The following CFAP92 variants were observed in gnomAD, a reference collection of about 807,000 sequenced individuals.
CFAP92 encodes the protein cilia and flagella associated protein 92 (putative).
In CFAP92, 86 loss-of-function variants were observed where a neutral mutation model predicts 106.3. The ratio of observed to expected loss-of-function variants is 0.81; its 90% CI spans 0.68 to 0.97. The LOEUF (loss-of-function observed/expected upper bound fraction) is 0.97, where lower values mean the gene tolerates loss of function less well. CFAP92 is among the 50% of genes least tolerant of loss of function. The pLI is 0.00. For missense variants in CFAP92, 1,204 were observed against 1,283.8 expected (o/e 0.94, Z 0.95); for synonymous variants, 477 against 506.4 (o/e 0.94, Z 0.78).
At chr3:128,917,286 CAGTT>C (rs570658032) in intron 12 of CFAP92, among the ~76,000 whole-genome samples, 6 of 152,202 alleles carry the variant, frequency 3.9e-5, no homozygotes, top group Non-Finnish European at 7.3e-5. Context: ...CTGAGTTTCT[CAGTT>C]AGCCATTCCT....
upstream of CFAP92, among the ~76,000 whole-genome samples, chr3:129,005,928 T>C (rs1046143608): frequency 1.3e-5 from 2 of 152,282 alleles, no homozygotes; most frequent in Non-Finnish European, 2.9e-5. Context: ...GGGGCTCTTC[T>C]TTGTTTATTT....
intron 15 of CFAP92, among the ~76,000 whole-genome samples, chr3:128,911,214 G>A (rs58123605): frequency 0.015 from 2,221 of 152,100 alleles, 51 homozygotes; most frequent in African/African-American, 0.05. Flanking sequence ...ACGCCACCAC[G>A]CCCGGCTAAT....
At chr3:128,989,025 A>G in intron 2 of CFAP92, 107 bp from the exon 3 acceptor site, 1 of 825,458 alleles carries the variant, frequency 1.2e-6, no homozygotes, top group South Asian at 1.8e-5. Context: ...AGCACTCCAC[A>G]TTGCCTGCCC....
At chr3:128,973,098 T>C (rs2929860) in intron 7 of CFAP92, among the ~76,000 whole-genome samples, 131,622 of 152,258 alleles carry the variant, frequency 0.86, 57,301 homozygotes, top group African/African-American at 0.97. Context: ...CGATAAGTTA[T>C]ATACCCCTGT....
At chr3:128,958,188 C>T (rs771295577) in intron 9 of CFAP92, among the ~76,000 whole-genome samples, 23 of 152,160 alleles carry the variant, frequency 1.5e-4, no homozygotes, top group Non-Finnish European at 3.1e-4. Flanking sequence ...GTTAGGAGTT[C>T]AACATACCAT....
At chr3:129,010,819 T>C in the CFAP92 span, among the ~76,000 whole-genome samples, 3 of 152,170 alleles carry the variant, frequency 2.0e-5, no homozygotes, top group East Asian at 5.8e-4. This position sits in a 1 kb window ranked among gnomAD's most constrained non-coding sequence, Gnocchi z 4.3. Context: ...GGAACAATAC[T>C]CAGGCTCACA....
upstream of CFAP92, chr3:129,003,958 G>A (rs926460298): frequency 1.2e-5 from 18 of 1,441,342 alleles, no homozygotes; most frequent in Non-Finnish European, 1.5e-5. Context: ...GCGCGGAGGA[G>A]GCCCGGCAGG....
chr3:128,944,020 C>T (rs1939953159), intron 10 of CFAP92, among the ~76,000 whole-genome samples: 1 of 150,200 alleles, frequency 6.7e-6, no homozygotes, highest in Non-Finnish European at 1.5e-5. Context: ...ACCTCCGCCT[C>T]CTGGGCTCAA....
chr3:128,927,278 CTGT>C (rs1252397476), intron 12 of CFAP92, among the ~76,000 whole-genome samples: 1 of 151,700 alleles, frequency 6.6e-6, no homozygotes, highest in Non-Finnish European at 1.5e-5. Flanking sequence ...AAATAATTTT[CTGT>C]TGTTTGAGCC....
At chr3:129,023,797 T>C in the CFAP92 span, among the ~76,000 whole-genome samples, 1 of 152,226 alleles carries the variant, frequency 6.6e-6, no homozygotes, top group African/African-American at 2.4e-5. Context: ...TCCTATCACG[T>C]AGGGTCCACC....
the CFAP92 span, among the ~76,000 whole-genome samples, chr3:129,007,870 T>C: frequency 6.6e-6 from 1 of 152,252 alleles, no homozygotes; most frequent in Non-Finnish European, 1.5e-5. Context: ...TGTCTAATCC[T>C]TTATCTCTGT....
At chr3:129,024,342 G>A in the CFAP92 span, among the ~76,000 whole-genome samples, 1 of 151,988 alleles carries the variant, frequency 6.6e-6, no homozygotes, top group East Asian at 1.9e-4. Flanking sequence ...GACCCGCCTG[G>A]CCAACATGGT....
chr3:129,023,306 GCTT>G, the CFAP92 span, among the ~76,000 whole-genome samples: 2 of 144,154 alleles, frequency 1.4e-5, no homozygotes, highest in Non-Finnish European at 1.5e-5. Flanking sequence ...ATGGCCTCTT[GCTT>G]CTTTTTTTTT....
At chr3:128,926,397 C>T (rs1466760576) in intron 12 of CFAP92, among the ~76,000 whole-genome samples, 2 of 152,132 alleles carry the variant, frequency 1.3e-5, no homozygotes, top group East Asian at 3.9e-4. Flanking sequence ...ACCTGTAGTT[C>T]CAGCCACTCA....
At chr3:128,975,948 C>A in intron 6 of CFAP92, 45 bp from the exon 7 acceptor site, 3 of 1,563,030 alleles carry the variant, frequency 1.9e-6, no homozygotes, top group South Asian at 1.2e-5. Context: ...TGAAAAAAAT[C>A]AGGGGCCAGA....
chr3:128,952,157 C>T (rs1471437240), intron 9 of CFAP92, among the ~76,000 whole-genome samples: 1 of 144,370 alleles, frequency 6.9e-6, no homozygotes, highest in Non-Finnish European at 1.5e-5. Context: ...TTTTGAGAGA[C>T]AGGGTCTCTG....
upstream of CFAP92, among the ~76,000 whole-genome samples, chr3:128,998,043 T>G (rs1944546302): frequency 6.6e-6 from 1 of 152,246 alleles, no homozygotes; most frequent in South Asian, 2.1e-4. Flanking sequence ...TGCATTTCCC[T>G]AACAAGAATA....
At chr3:129,022,528 A>G in the CFAP92 span, among the ~76,000 whole-genome samples, 1 of 152,184 alleles carries the variant, frequency 6.6e-6, no homozygotes, top group Non-Finnish European at 1.5e-5. Flanking sequence ...TGGCGGCCAG[A>G]TGTGGCCATC....
the CFAP92 span, among the ~76,000 whole-genome samples, chr3:129,013,909 C>T: frequency 7.9e-5 from 12 of 152,128 alleles, no homozygotes; most frequent in African/African-American, 2.7e-4. Flanking sequence ...AAGGAAGGGC[C>T]GTGGCTTCTT....
Sources: gnomAD v4.1 joint callset for allele counts (sites outside exome capture counted in the v4.1 genomes callset) on GRCh38, gnomAD v4.1.1 for gene constraint, Gnocchi (gnomAD v3.1) non-coding constraint, MANE v1.5 for transcripts, NCBI Gene and HGNC (gene_info 2026-07-23, HGNC 2026-07-21) for gene names.